The following ELMO1 variants were observed in gnomAD, a reference collection of about 807,000 sequenced individuals.
The protein encoded by ELMO1 is engulfment and cell motility protein 1.
A neutral mutation model predicts 98.9 loss-of-function variants in ELMO1; 26 were observed. The observed-to-expected ratio is 0.26, with a 90% CI of 0.19 to 0.36. ELMO1 has a LOEUF of 0.36. Among genes scored for constraint, ELMO1 ranks in the 10% least tolerant of loss-of-function variants. ELMO1 has a pLI of 1.00. For synonymous variants in ELMO1, 346 were observed against 346.0 expected (o/e 1.00, Z 0.00); for missense variants, 627 against 935.2 (o/e 0.67, Z 4.30).
At position 37,013,435 on chromosome 7, in the gene ELMO1, G is replaced by A. The variant is rs1485384662; in HGVS notation, c.1301C>T (p.Pro434Leu). ...LCEILKVGEL[P>L]SETCNDFHPM... is the part of the protein sequence containing the mutation. ...GTGGAAGTCGTTGCAGGTCTCACTA[G>A]CTGGAGGAAAGAGATGGAAAATAAG... Residue 434 changes from proline (P) to leucine (L), a missense_variant and splice_region_variant, in exon 16 of 22, where the codon CCT (proline) becomes CTT (leucine). By Grantham distance (98) the Pro-to-Leu change is moderately conservative. Around this residue, in one of 3 missense-constraint regions of ELMO1, gnomAD observed 492 missense variants for 715.6 expected, o/e 0.69. Coordinates refer to ENST00000310758, the MANE Select transcript of ELMO1 (RefSeq NM_014800.11). 1.2e-6 allele frequency: 2 copies of A among 1,613,798 alleles called. No homozygotes were observed. The highest frequency in any genetic ancestry group is 1.3e-5 in the African/African-American group (1 of 74,934).
At chr7:37,233,717 T>G (rs532074315) in intron 7 of ELMO1, among the ~76,000 whole-genome samples, 1 of 135,466 alleles carries the variant, frequency 7.4e-6, no homozygotes, top group African/African-American at 2.7e-5. Context: ...ATTAAGAGAA[T>G]TAGTACTTTT....
intron 10 of ELMO1, chr7:37,217,761 CG>C (rs1563083763): frequency 2.2e-6 from 1 of 456,914 alleles, no homozygotes; most frequent in Non-Finnish European, 4.4e-6. Context: ...ATCAACCTAA[CG>C]GCGTCATCGC....
rs1380644677 is a variant in ELMO1 at position 37,204,164 on chromosome 7, G to C, written c.1086+7222C>G. ...TGGCGATGGGCGATGGTCCCATCTG[G>C]GTGGCCAAAATGTGTCTGGAATTGG... On this transcript the variant is annotated intron_variant, in intron 13 of 21. Transcript: ENST00000310758. 3 of 456,334 alleles carry C rather than the reference G, an allele frequency of 6.6e-6. No homozygotes were observed. The Admixed American group carries it at 7.1e-5, about 11-fold the overall frequency. 28.3% of individuals were successfully genotyped at this position (456,334 alleles called of 1,614,324 possible).
intron 13 of ELMO1, among the ~76,000 whole-genome samples, chr7:37,202,783 T>C (rs144182320): frequency 0.011 from 1,645 of 152,244 alleles, 37 homozygotes; most frequent in African/African-American, 0.038. Flanking sequence ...GGCCAGGCCA[T>C]AGTGCAGGAA....
intron 21 of ELMO1, among the ~76,000 whole-genome samples, chr7:36,856,657 G>T (rs1460694935): frequency 6.6e-6 from 1 of 152,160 alleles, no homozygotes; most frequent in Non-Finnish European, 1.5e-5. Flanking sequence ...CCTCCCAGAG[G>T]CTGGAGTTCT....
intron 16 of ELMO1, among the ~76,000 whole-genome samples, chr7:36,935,644 C>T (rs1192553097): frequency 1.3e-5 from 2 of 152,174 alleles, no homozygotes; most frequent in Non-Finnish European, 2.9e-5. Context: ...AATGACACCA[C>T]AACAGCGTTT....
chr7:37,412,533 G>A lies in ELMO1; in HGVS notation c.-74+36142C>T, dbSNP rs528244480. Among the ~76,000 whole-genome samples, 52 of 152,242 alleles carry A rather than the reference G, an allele frequency of 3.4e-4. 1 individual carries two copies. Among genetic ancestry groups the A allele is most frequent in the African/African-American group, 1.1e-3 (47 of 41,544 alleles). ...GTGCCAACTACTGTAGTTAAACACT[G>A]TGCAGACACAACAACTAAAGAAAAA... On this transcript the variant is annotated intron_variant, in intron 1 of 21. Transcript: ENST00000310758.
chr7:37,236,857 T>G, intron 7 of ELMO1, among the ~76,000 whole-genome samples: 1 of 152,122 alleles, frequency 6.6e-6, no homozygotes, highest in Middle Eastern at 3.4e-3. Flanking sequence ...CCTAGAGGAG[T>G]AATTCAGGCT....
chr7:37,336,416 A>T (rs1800411695), intron 2 of ELMO1, among the ~76,000 whole-genome samples: 1 of 152,192 alleles, frequency 6.6e-6, no homozygotes, highest in Non-Finnish European at 1.5e-5. Flanking sequence ...AAATGAAACT[A>T]GTGGTTAGCT....
At chr7:37,309,008 A>T (rs1160790737) in intron 4 of ELMO1, among the ~76,000 whole-genome samples, 1 of 152,180 alleles carries the variant, frequency 6.6e-6, no homozygotes, top group East Asian at 1.9e-4. Context: ...AGCACAGGAG[A>T]AATGCTTGGA....
chr7:37,114,389 T>C (rs1398616598), intron 14 of ELMO1, among the ~76,000 whole-genome samples: 1 of 152,088 alleles, frequency 6.6e-6, no homozygotes, highest in African/African-American at 2.4e-5. Flanking sequence ...ATTTTGAAAG[T>C]AGAGTCAATA....
At chr7:37,232,559 A>G (rs551854455) in intron 8 of ELMO1, among the ~76,000 whole-genome samples, 1 of 152,278 alleles carries the variant, frequency 6.6e-6, no homozygotes, top group Non-Finnish European at 1.5e-5. Flanking sequence ...CTTCCTCCCA[A>G]ATGAAGAACT....
chr7:37,275,643 T>C (rs1796792971), intron 4 of ELMO1, among the ~76,000 whole-genome samples: 1 of 152,256 alleles, frequency 6.6e-6, no homozygotes, highest in Non-Finnish European at 1.5e-5. Context: ...CAATTACTGC[T>C]GTCCCAGAGA....
intron 15 of ELMO1, among the ~76,000 whole-genome samples, chr7:37,068,823 T>G (rs1293815914): frequency 2.0e-5 from 3 of 152,076 alleles, no homozygotes; most frequent in Non-Finnish European, 4.4e-5. Flanking sequence ...AAGCAAACAT[T>G]ACATAGTAAT....
At chr7:36,891,152 C>T (rs1230385374) in intron 17 of ELMO1, among the ~76,000 whole-genome samples, 5 of 152,238 alleles carry the variant, frequency 3.3e-5, no homozygotes, top group African/African-American at 1.2e-4. Context: ...CATGTATCTC[C>T]TCTTAACTTG....
intron 16 of ELMO1, among the ~76,000 whole-genome samples, chr7:36,999,166 G>C (rs954935823): frequency 2.0e-5 from 3 of 152,148 alleles, no homozygotes; most frequent in African/African-American, 7.2e-5. Context: ...GGGTCACGCA[G>C]GAGGTCACAG....
chr7:37,089,349 CTTTTT>C (rs899634677), intron 15 of ELMO1, among the ~76,000 whole-genome samples: 2 of 151,682 alleles, frequency 1.3e-5, no homozygotes, highest in Non-Finnish European at 2.9e-5. Context: ...TTCTTTCTTG[CTTTTT>C]TTTAAAAAAA....
Position 37,387,782 on chromosome 7 carries a change from A to G in ELMO1, c.-73-45019T>C, listed in dbSNP as rs76470164. Among the ~76,000 whole-genome samples the G allele has an allele frequency of 8.9e-4, 136 of 152,302 alleles. 2 individuals are homozygous for G. Among genetic ancestry groups the G allele is most frequent in the African/African-American group, 2.8e-3 (115 of 41,562 alleles). ...CTCAGAAAAATCCTTCAGGAAATCA[A>G]TCTGTTTGCTTTATTTATCCTAGTG... On this transcript the variant is annotated intron_variant, in intron 1 of 21. Transcript: ENST00000310758.
intron 5 of ELMO1, among the ~76,000 whole-genome samples, chr7:37,264,418 T>G (rs928978799): frequency 6.6e-6 from 1 of 152,230 alleles, no homozygotes; most frequent in East Asian, 1.9e-4. Flanking sequence ...CCTGTGGTTA[T>G]TTATGAATTG....
Sources: allele counts gnomAD v4.1 joint callset (sites outside exome capture counted in the v4.1 genomes callset), GRCh38; gene constraint gnomAD v4.1.1; regional missense constraint gnomAD v4.1.1; transcripts MANE v1.5; gene names NCBI Gene and HGNC (gene_info 2026-07-23, HGNC 2026-07-21).